FBN3: variants seen among roughly 807,000 people sequenced by gnomAD.
The protein encoded by FBN3 is fibrillin-3.
In FBN3, 234 loss-of-function variants were observed where a neutral mutation model predicts 330.1. The observed-to-expected ratio is 0.71, with a 90% CI of 0.64 to 0.79. FBN3 has a LOEUF of 0.79. Among genes scored for constraint, FBN3 ranks in the 30% least tolerant of loss-of-function variants. The probability of loss-of-function intolerance (pLI) is 0.00; values close to 1 mark genes in which losing one functional copy is unlikely to be tolerated. For synonymous variants in FBN3, 1,458 were observed against 1,517.3 expected (o/e 0.96, Z 0.91); for missense variants, 3,606 against 3,886.9 (o/e 0.93, Z 1.92).
chr19:8,086,173 C>T (rs1304281001), intron 55 of FBN3, 27 bp downstream of exon 55: 1 of 1,479,468 alleles, frequency 6.8e-7, no homozygotes, highest in Non-Finnish European at 9.2e-7. Flanking sequence ...GTGGTTGCAA[C>T]CACTGTGCGT....
Position 8,102,832 on chromosome 19 carries a change from A to G in FBN3, c.4981T>C (p.Cys1661Arg), listed in dbSNP as rs202138099. ...SVCFRHYNGT[C>R]QNELAFNVTR... ...ACGTTGAAGGCCAGCTCATTTTGAC[A>G]TGTGCCGTTATAGTGCCGGAAGCAG... Residue 1661 changes from cysteine to arginine, a missense_variant, in exon 40 of 64, where the codon TGT (cysteine) becomes CGT (arginine). Transcript: ENST00000600128. The G allele has an allele frequency of 1.1e-5, 18 of 1,614,084 alleles. No homozygotes were observed. In the East Asian group the frequency reaches 3.6e-4, roughly 32 times the overall value.
chr19:8,082,454 T>A (rs1390014223), intron 57 of FBN3, among the ~76,000 whole-genome samples: 1 of 90,384 alleles, frequency 1.1e-5, no homozygotes, highest in Non-Finnish European at 2.4e-5. Flanking sequence ...CTTCCTTCCC[T>A]TCCCTTCCTT....
Position 8,136,522 on chromosome 19 carries a change from G to A in FBN3, c.1211C>T (p.Thr404Ile). ...GCAGATGTCAATGGTCTGGTTCAGG[G>A]TAGCAGTGCCTACGGGTGGGGCCGG... is the stretch of plus-strand genomic sequence containing the variant. ...GPGNSNIGTATLNQTIDICRH... is the reference protein window; with the variant it reads ...GPGNSNIGTAILNQTIDICRH... Residue 404 changes from threonine to isoleucine, a missense_variant, in exon 11 of 64, where the codon ACC becomes ATC. Transcript: ENST00000600128. 1.2e-6 allele frequency: 2 copies of A among 1,614,112 alleles called. No homozygotes were observed. The highest frequency in any genetic ancestry group is 1.7e-6 in the Non-Finnish European group (2 of 1,179,982).
rs17160151 is a variant in FBN3, at chr19:8,085,509, C to T, written c.6941G>A (p.Ser2314Asn). 0.013 allele frequency: 21,289 copies of T among 1,594,920 alleles called. 2,297 individuals are homozygous for T. In the African/African-American group the frequency reaches 0.24, roughly 18 times the overall value. Reference protein sequence around the residue: ...VLQTMCRSLSSSSEAVTRAEC... With the variant: ...VLQTMCRSLSNSSEAVTRAEC... Reference sequence around the variant, plus strand: ...GGCCCTGGTGACAGCCTCACTGCTGCTGGACAGAGACCGGCACATGGTCTG... The same window carrying T: ...GGCCCTGGTGACAGCCTCACTGCTGTTGGACAGAGACCGGCACATGGTCTG... The change falls in exon 56 of 64, where the codon AGC (serine) becomes AAC (asparagine). Residue 2314 changes from serine (S) to asparagine (N), a missense_variant. Coordinates refer to ENST00000600128, the MANE Select transcript of FBN3 (RefSeq NM_032447.5).
chr19:8,147,271 A>G (rs535983846), intron 2 of FBN3, 43 bp downstream of exon 2: 3 of 1,571,092 alleles, frequency 1.9e-6, no homozygotes, highest in East Asian at 2.3e-5. Context: ...GGACAGCCCA[A>G]TCCACACCGA....
intron 18 of FBN3, among the ~76,000 whole-genome samples, chr19:8,128,497 A>G (rs1370551818): frequency 6.6e-6 from 1 of 151,164 alleles, no homozygotes; most frequent in African/African-American, 2.4e-5. Context: ...TAGGAGGCAG[A>G]GGTTGCAGTG....
chr19:8,134,412 C>G (rs1054585359), intron 13 of FBN3, among the ~76,000 whole-genome samples: 6 of 152,058 alleles, frequency 3.9e-5, no homozygotes, highest in Non-Finnish European at 5.9e-5. Flanking sequence ...CATTATTCGG[C>G]CATGAAAAAG....
Position 8,088,020 on chromosome 19 carries a change from T to C in FBN3, c.6496+40A>G, listed in dbSNP as rs764314857. 17 of 1,613,972 alleles carry C rather than the reference T, an allele frequency of 1.1e-5. No homozygotes were observed. The Admixed American group carries it at 2.5e-4, about 24-fold the overall frequency. On this transcript the variant is annotated intron_variant, in intron 52 of 63. Coordinates refer to ENST00000600128, the MANE Select transcript of FBN3 (RefSeq NM_032447.5). ...ACCTCCACTCCCTCCCCCAGGCATCTCCGTCACACGGCCCAGGTCCTGGGC... is the reference window on the plus strand; with the variant it reads ...ACCTCCACTCCCTCCCCCAGGCATCCCCGTCACACGGCCCAGGTCCTGGGC...
rs184471044 is a variant in FBN3, at chr19:8,070,386, G to T, written c.8088+1662C>A. ...CAGCCTCACGAGGGCAGGTGTTTTT[G>T]TTGTTGTTGTTGTTCACTGTTGCTC... On this transcript the variant is annotated intron_variant, in intron 63 of 63. Transcript: ENST00000600128. Among the ~76,000 whole-genome samples the T allele has an allele frequency of 3.9e-5, 6 of 152,210 alleles. No homozygotes were observed. In the East Asian group the frequency reaches 7.7e-4, roughly 20 times the overall value.
chr19:8,109,475 GACAAGGACA>G lies in FBN3; in HGVS notation c.4457-96_4457-88del, dbSNP rs556337028. ...CATGCATGTGTCTATTTCAACAGGT[GACAAGGACA>G]ACCACTCTTGCAGGAGACCAGCAGA... On this transcript the variant is annotated intron_variant, in intron 35 of 63. Transcript: ENST00000600128. This position sits in a 1 kb window ranked among gnomAD's most constrained non-coding sequence, Gnocchi z 5.2. 3,825 of 1,556,658 alleles carry G rather than the reference GACAAGGACA, an allele frequency of 2.5e-3. 4 individuals carry two copies. The highest frequency in any genetic ancestry group is 3.1e-3 in the Non-Finnish European group (3,534 of 1,137,266).
chr19:8,115,578 C>A lies in FBN3; in HGVS notation c.3775G>T (p.Gly1259Cys), dbSNP rs2082687771. 6.2e-7 allele frequency: 1 copy of A among 1,614,054 alleles called. No homozygotes were observed. Among genetic ancestry groups the A allele is most frequent in the Non-Finnish European group, 8.5e-7 (1 of 1,180,028 alleles). ...AGCTGACAGTGGCAGACAAAGGAAC[C>A]CTTCGTGTTCTCGCAGTCCCCATGG... ...CLHGDCENTK[G>C]SFVCHCQLGY... is the part of the protein sequence containing the mutation. The change falls in exon 30 of 64, where the codon GGT becomes TGT. Residue 1259 changes from glycine to cysteine, a missense_variant. Transcript: ENST00000600128.
chr19:8,081,145 T>G, intron 58 of FBN3, 26 bp from the exon 59 acceptor site: 1 of 1,596,728 alleles, frequency 6.3e-7, no homozygotes, highest in South Asian at 1.1e-5. Flanking sequence ...TCCAGCAGGC[T>G]CAGGGCAGGG....
At chr19:8,089,994 G>A (rs748689731) in intron 49 of FBN3, 35 bp from the exon 50 acceptor site, 2 of 1,603,900 alleles carry the variant, frequency 1.2e-6, no homozygotes, top group South Asian at 1.1e-5. Context: ...CAGAGTCAGG[G>A]CCTAGGTGCA....
chr19:8,135,935 T>TTGGGGGGGGGGGGGGGGGGGGGGCGG, intron 13 of FBN3, 26 bp downstream of exon 13: 4 of 1,344,154 alleles, frequency 3.0e-6, no homozygotes, highest in Non-Finnish European at 4.0e-6. Flanking sequence ...CGGAAGCCCC[T>TTGGGGGGGGGGGGGGGGGGGGGGCGG]GCCCACCCGC....
intron 62 of FBN3, 93 bp downstream of exon 62, chr19:8,072,970 T>TGTGTGC (rs2081552469): frequency 6.3e-6 from 2 of 319,064 alleles, no homozygotes; most frequent in East Asian, 1.4e-4. Flanking sequence ...AAGCCCCGTG[T>TGTGTGC]GTGTGTGTGT....
chr19:8,075,448 G>A, intron 59 of FBN3, 37 bp from the exon 60 acceptor site: 1 of 1,592,118 alleles, frequency 6.3e-7, no homozygotes, highest in East Asian at 2.3e-5. Context: ...TTGCCTGCTG[G>A]TTAAGGAACT....
Position 8,109,300 on chromosome 19 carries a change from G to A in FBN3, c.4545C>T (p.Thr1515=). 1 of 1,614,182 alleles carries A rather than the reference G, an allele frequency of 6.2e-7. No homozygotes were observed. The highest frequency in any genetic ancestry group is 8.5e-7 in the Non-Finnish European group (1 of 1,180,028). The part of the protein sequence containing the change: ...SCSAEIGVGV[T]RASCCCSLGR... ...CCAGGGAGCAACAGCAGGAAGCTCGGGTGACACCAACTCCGATCTCGGCAC... is the reference window on the plus strand; with the variant it reads ...CCAGGGAGCAACAGCAGGAAGCTCGAGTGACACCAACTCCGATCTCGGCAC... The change falls in exon 36 of 64, where the codon ACC becomes ACT. Residue 1515 remains threonine (T), a synonymous_variant. Coordinates refer to ENST00000600128, the MANE Select transcript of FBN3 (RefSeq NM_032447.5). The surrounding 1 kb of genome is among the most constrained non-coding windows in gnomAD (Gnocchi z 5.2).
rs1317302222 is a variant in FBN3 at position 8,146,136 on chromosome 19, C to T, written c.340G>A (p.Val114Met). 1 of 1,594,200 alleles carries T rather than the reference C, an allele frequency of 6.3e-7. No individual in the cohort carries two copies. Among genetic ancestry groups the T allele is most frequent in the Non-Finnish European group, 8.5e-7 (1 of 1,171,850 alleles). Residue 114 changes from valine (V) to methionine (M), a missense_variant, in exon 4 of 64, where the codon GTG becomes ATG. By Grantham distance (21) the Val-to-Met change is conservative. Transcript: ENST00000600128. ...ADGTLAPSCG[V>M]SRGSGCSVSC... ...GCCGCTTCCCGCTCACCTCGGCTCA[C>T]CCCGCAGCTGGGAGCCAGCGTCCCA...
intron 13 of FBN3, among the ~76,000 whole-genome samples, chr19:8,133,706 C>T (rs923475758): frequency 6.6e-6 from 1 of 151,982 alleles, no homozygotes; most frequent in Non-Finnish European, 1.5e-5. Flanking sequence ...CCCGCCTCGT[C>T]CTCCCAAAGT....
Sources: gnomAD v4.1 joint callset for allele counts (sites outside exome capture counted in the v4.1 genomes callset) on GRCh38, gnomAD v4.1.1 for gene constraint, Gnocchi (gnomAD v3.1) non-coding constraint, MANE v1.5 for transcripts, NCBI Gene and HGNC (gene_info 2026-07-23, HGNC 2026-07-21) for gene names.